Variants in FBXL17 observed in about 807,000 individuals in gnomAD.
FBXL17 encodes the protein F-box and leucine rich repeat protein 17.
In FBXL17, 22 loss-of-function variants were observed where a neutral mutation model predicts 66.2. The ratio of observed to expected loss-of-function variants is 0.33; its 90% CI spans 0.24 to 0.47. The LOEUF (loss-of-function observed/expected upper bound fraction) is 0.47, where lower values mean the gene tolerates loss of function less well. Ranked by LOEUF, FBXL17 falls within the 20% of genes least tolerant of loss-of-function variation. FBXL17 has a pLI of 1.00. For missense variants in FBXL17, 878 were observed against 948.2 expected, an observed-to-expected ratio of 0.93 and a Z score of 0.97; for synonymous variants, 474 against 400.5, an observed-to-expected ratio of 1.18 and a Z score of -2.19.
chr5:108,274,578 T>C (rs949564248), intron 4 of FBXL17, among the ~76,000 whole-genome samples: 6 of 152,198 alleles, frequency 3.9e-5, no homozygotes, highest in Non-Finnish European at 7.3e-5. Context: ...TGAGGTGATA[T>C]ACATCCTCCT....
intron 4 of FBXL17, among the ~76,000 whole-genome samples, chr5:108,277,550 A>G (rs760937111): frequency 3.3e-5 from 5 of 152,232 alleles, no homozygotes; most frequent in Non-Finnish European, 5.9e-5. Flanking sequence ...TGAAGGTTTC[A>G]GGAGGAATGT....
At chr5:108,321,798 T>A (rs1759632319) in intron 4 of FBXL17, among the ~76,000 whole-genome samples, 1 of 150,922 alleles carries the variant, frequency 6.6e-6, no homozygotes, top group Admixed American at 6.6e-5. Context: ...AGAAAAAAAA[T>A]TATAACTCCA....
At chr5:108,109,416 A>G (rs1467715702) in intron 6 of FBXL17, among the ~76,000 whole-genome samples, 2 of 152,142 alleles carry the variant, frequency 1.3e-5, no homozygotes, top group Non-Finnish European at 2.9e-5. Flanking sequence ...AAGACTTGGT[A>G]AGTTCTTCCC....
intron 6 of FBXL17, among the ~76,000 whole-genome samples, chr5:108,031,497 A>G (rs1372731912): frequency 6.6e-6 from 1 of 152,082 alleles, no homozygotes. Flanking sequence ...ATATCATAGG[A>G]GTTAAAAAAA....
intron 6 of FBXL17, among the ~76,000 whole-genome samples, chr5:108,161,368 C>A (rs1006122175): frequency 9.2e-5 from 14 of 152,132 alleles, no homozygotes; most frequent in African/African-American, 3.4e-4. Context: ...TGCCTGTAGT[C>A]CCAGCTACTC....
At chr5:108,085,948 G>A (rs189933499) in intron 6 of FBXL17, among the ~76,000 whole-genome samples, 10 of 152,140 alleles carry the variant, frequency 6.6e-5, no homozygotes, top group Admixed American at 2.0e-4. Flanking sequence ...CAATAGTAAA[G>A]AACATTGGAA....
At chr5:108,311,958 AGACCCT>A (rs1759141512) in intron 4 of FBXL17, among the ~76,000 whole-genome samples, 1 of 152,298 alleles carries the variant, frequency 6.6e-6, no homozygotes, top group Middle Eastern at 3.4e-3. Flanking sequence ...CCTATTCTCC[AGACCCT>A]GACCCCATCT....
chr5:108,056,675 A>G (rs1383500193), intron 6 of FBXL17, among the ~76,000 whole-genome samples: 1 of 152,236 alleles, frequency 6.6e-6, no homozygotes, highest in East Asian at 1.9e-4. Flanking sequence ...CATATACTCT[A>G]TGATGACCTC....
chr5:107,932,461 G>A lies in FBXL17; in HGVS notation c.1823-51282C>T, dbSNP rs369650507. Among the ~76,000 whole-genome samples the A allele has an allele frequency of 2.6e-5, 4 of 152,286 alleles. No homozygotes were observed. The East Asian group carries it at 7.7e-4, about 29-fold the overall frequency. ...TAGAATTACTGTAAAGAAGAGGAAA[G>A]TGCTCTTTACTACTCAATCTATTTG... On this transcript the variant is annotated intron_variant, in intron 7 of 8. Coordinates refer to ENST00000542267, the MANE Select transcript of FBXL17 (RefSeq NM_001163315.3).
At chr5:108,134,163 A>G (rs1751043705) in intron 6 of FBXL17, among the ~76,000 whole-genome samples, 1 of 152,150 alleles carries the variant, frequency 6.6e-6, no homozygotes, top group Admixed American at 6.5e-5. Flanking sequence ...CAACTCTAGT[A>G]TTTGCTAAAA....
intron 4 of FBXL17, among the ~76,000 whole-genome samples, chr5:108,236,891 A>T (rs1490188306): frequency 2.0e-5 from 3 of 152,190 alleles, no homozygotes; most frequent in Non-Finnish European, 4.4e-5. Context: ...CTAAGCTTAT[A>T]CAGGAAAGGG....
chr5:108,049,030 T>A (rs1317479484), intron 6 of FBXL17, among the ~76,000 whole-genome samples: 1 of 151,682 alleles, frequency 6.6e-6, no homozygotes, highest in Non-Finnish European at 1.5e-5. Context: ...AAGGAAAAAA[T>A]GTTAAGGGCA....
intron 6 of FBXL17, among the ~76,000 whole-genome samples, chr5:108,079,684 AT>A (rs1199958446): frequency 6.6e-6 from 1 of 152,248 alleles, no homozygotes; most frequent in African/African-American, 2.4e-5. Flanking sequence ...CAATGTAGTT[AT>A]AAAAAAATTG....
intron 4 of FBXL17, among the ~76,000 whole-genome samples, chr5:108,264,892 G>GA (rs1368187276): frequency 4.6e-5 from 7 of 151,190 alleles, no homozygotes; most frequent in Admixed American, 2.0e-4. Context: ...CAGTAAACAT[G>GA]AAAAAAATCA....
intron 6 of FBXL17, among the ~76,000 whole-genome samples, chr5:108,080,103 CTG>C (rs2149917742): frequency 6.6e-6 from 1 of 152,288 alleles, no homozygotes; most frequent in South Asian, 2.1e-4. Flanking sequence ...CCCTGTGACA[CTG>C]TGAATATGGC....
At chr5:108,346,441 C>T (rs867611582) in intron 4 of FBXL17, among the ~76,000 whole-genome samples, 3 of 151,908 alleles carry the variant, frequency 2.0e-5, no homozygotes, top group Non-Finnish European at 4.4e-5. Context: ...ACCTTAAAAA[C>T]ATAAACAGTT....
chr5:107,899,244 A>C (rs1417576101), intron 7 of FBXL17, among the ~76,000 whole-genome samples: 1 of 152,212 alleles, frequency 6.6e-6, no homozygotes, highest in African/African-American at 2.4e-5. Context: ...CATTGTAAGA[A>C]CACAGTGTAC....
At chr5:108,309,133 T>A (rs1477530054) in intron 4 of FBXL17, among the ~76,000 whole-genome samples, 2 of 152,042 alleles carry the variant, frequency 1.3e-5, no homozygotes, top group African/African-American at 4.8e-5. Flanking sequence ...CTATGATACA[T>A]CAATACAATG....
chr5:107,954,761 C>A (rs1057235426), intron 7 of FBXL17, among the ~76,000 whole-genome samples: 3 of 151,748 alleles, frequency 2.0e-5, no homozygotes, highest in African/African-American at 7.3e-5. Flanking sequence ...AAATGAAGGA[C>A]AATTGAGATA....
Sources: gnomAD v4.1 joint callset for allele counts (sites outside exome capture counted in the v4.1 genomes callset) on GRCh38, gnomAD v4.1.1 for gene constraint, MANE v1.5 for transcripts, NCBI Gene and HGNC (gene_info 2026-07-23, HGNC 2026-07-21) for gene names.